WWP2: variants seen among roughly 807,000 people sequenced by gnomAD.
WWP2 encodes NEDD4-like E3 ubiquitin-protein ligase WWP2.
A neutral mutation model predicts 121.0 loss-of-function variants in WWP2; 57 were observed. The observed-to-expected ratio is 0.47, with a 90% CI of 0.38 to 0.59. The LOEUF (loss-of-function observed/expected upper bound fraction) is 0.59. WWP2 is among the 20% of genes least tolerant of loss of function. WWP2 has a pLI of 0.00. For missense variants in WWP2, 962 were observed against 1,158.9 expected (o/e 0.83, Z 2.47); for synonymous variants, 449 against 441.3 (o/e 1.02, Z -0.22).
chr16:69,796,162 G>T (rs375342690), intron 2 of WWP2, among the ~76,000 whole-genome samples: 3 of 152,190 alleles, frequency 2.0e-5, no homozygotes, highest in East Asian at 3.9e-4. Context: ...AAATGTGTTT[G>T]TTGGGAAATA....
chr16:69,824,413 G>C (rs1181565688), intron 4 of WWP2, among the ~76,000 whole-genome samples: 1 of 152,106 alleles, frequency 6.6e-6, no homozygotes, highest in African/African-American at 2.4e-5. Flanking sequence ...GTGGGACTCT[G>C]ACTTCAGTGC....
intron 17 of WWP2, 62 bp downstream of exon 17, chr16:69,934,191 G>A (rs1400681499): frequency 3.1e-6 from 5 of 1,589,700 alleles, no homozygotes; most frequent in African/African-American, 2.7e-5. Flanking sequence ...CCCTCTCCTG[G>A]TGAAGTGTGC....
At chr16:69,802,540 C>T (rs1040838006) in intron 4 of WWP2, among the ~76,000 whole-genome samples, 2 of 151,858 alleles carry the variant, frequency 1.3e-5, no homozygotes, top group South Asian at 2.1e-4. Flanking sequence ...TTATTTCAGT[C>T]AGCATAATGT....
chr16:69,934,325 C>T (rs149032809), intron 17 of WWP2, among the ~76,000 whole-genome samples, 196 bp downstream of exon 17: 6 of 152,256 alleles, frequency 3.9e-5, no homozygotes, highest in African/African-American at 9.6e-5. Flanking sequence ...TGGACTGGCT[C>T]ACCCTCTCGG....
intron 1 of WWP2, among the ~76,000 whole-genome samples, chr16:69,785,181 C>T (rs763750993): frequency 2.0e-5 from 3 of 146,852 alleles, no homozygotes; most frequent in Non-Finnish European, 4.4e-5. Context: ...TGCAGTGAGC[C>T]GAGATTGTGC....
In WWP2 at chr16:69,935,649, G is replaced by A. The variant is rs556410451; in HGVS notation, c.1843-204G>A. On this transcript the variant is annotated intron_variant, in intron 17 of 23. Coordinates refer to ENST00000359154, the MANE Select transcript of WWP2 (RefSeq NM_001270454.2). This position sits in a 1 kb window ranked among gnomAD's most constrained non-coding sequence, Gnocchi z 5.2. ...CCTTGCGGTCTGCAGGGCAGGGTGG[G>A]AGTCCCTCTGTAGGTACAAGTCAGG... Among the ~76,000 whole-genome samples, 164 of 152,336 alleles carry A rather than the reference G, an allele frequency of 1.1e-3. No homozygotes were observed. Among genetic ancestry groups the A allele is most frequent in the Non-Finnish European group, 2.0e-3 (137 of 68,034 alleles).
At chr16:69,906,483 G>A (rs756572926) in intron 8 of WWP2, among the ~76,000 whole-genome samples, 1 of 152,210 alleles carries the variant, frequency 6.6e-6, no homozygotes, top group Non-Finnish European at 1.5e-5. Context: ...ATCTATCAGT[G>A]TAGATACATC....
rs371861695 is a variant in WWP2, at chr16:69,850,030, G to A, written c.575+7910G>A. ...GGAGGAAGGAAGGCAAATCTCTGCC[G>A]TTGAAGGCAATATTCACTTGATATA... On this transcript the variant is annotated intron_variant, in intron 6 of 23. Coordinates refer to ENST00000359154, the MANE Select transcript of WWP2 (RefSeq NM_001270454.2). Among the ~76,000 whole-genome samples the A allele has an allele frequency of 1.6e-4, 25 of 152,278 alleles. 2 individuals carry two copies. Among genetic ancestry groups the A allele is most frequent in the East Asian group, 3.9e-4 (2 of 5,186 alleles).
At chr16:69,934,675 T>C (rs2058768668) in intron 17 of WWP2, among the ~76,000 whole-genome samples, 1 of 150,980 alleles carries the variant, frequency 6.6e-6, no homozygotes, top group Admixed American at 6.6e-5. Context: ...GAATCAACAC[T>C]AGTGTAGAAC....
At chr16:69,939,309 C>A (rs1439615638) in intron 22 of WWP2, 32 bp from the exon 23 acceptor site, 1 of 1,612,960 alleles carries the variant, frequency 6.2e-7, no homozygotes, top group East Asian at 2.2e-5. Context: ...GACGTCTCTG[C>A]TGACGTCGGC....
intron 4 of WWP2, among the ~76,000 whole-genome samples, chr16:69,804,791 T>C (rs2151822114): frequency 6.6e-6 from 1 of 152,164 alleles, no homozygotes; most frequent in East Asian, 1.9e-4. Context: ...GGAATTTTCA[T>C]ACTGAACTCC....
Position 69,925,530 on chromosome 16 carries a change from C to T in WWP2, c.1234+46C>T, listed in dbSNP as rs202205376. 215 of 1,609,342 alleles carry T rather than the reference C, an allele frequency of 1.3e-4. 1 individual carries two copies. The East Asian group carries it at 4.0e-3, about 30-fold the overall frequency. ...CTGGCCCTTGGCCTTCCGTCAGCCA[C>T]GGTGCTCTGTCCTCTCCTCCCGCGT... is the stretch of plus-strand genomic sequence containing the variant. On this transcript the variant is annotated intron_variant, in intron 11 of 23. Transcript: ENST00000359154. This position sits in a 1 kb window ranked among gnomAD's most constrained non-coding sequence, Gnocchi z 4.0.
rs1597137353 is a variant in WWP2 at position 69,904,028 on chromosome 16, A to AG, written c.915-4731dup. ...AGTTCTCAGCTACTTAAATTGCATTAGGAGCAGATGTTATAAAAGAGAGGC... is the reference window on the plus strand; with the variant it reads ...AGTTCTCAGCTACTTAAATTGCATTAGGGAGCAGATGTTATAAAAGAGAGGC... On this transcript the variant is annotated intron_variant, in intron 8 of 23. Transcript: ENST00000359154. Among the ~76,000 whole-genome samples the AG allele has an allele frequency of 3.3e-5, 5 of 152,364 alleles. No individual in the cohort carries two copies. In the East Asian group the frequency reaches 9.6e-4, roughly 29 times the overall value.
intron 6 of WWP2, among the ~76,000 whole-genome samples, chr16:69,846,913 A>T (rs2057091917): frequency 6.6e-6 from 1 of 151,850 alleles, no homozygotes; most frequent in Non-Finnish European, 1.5e-5. Flanking sequence ...CGAAATATAT[A>T]TTTAGAGTCT....
In WWP2 at chr16:69,824,120, G is replaced by A. The variant is rs140454288; in HGVS notation, c.341-16006G>A. On this transcript the variant is annotated intron_variant, in intron 4 of 23. Transcript: ENST00000359154. The stretch of plus-strand genomic sequence containing the variant: ...GGCCTCTGCTCCGCACCAGTCATTC[G>A]GGCGGCTTCCGCCTGACCGTCCATT... 1.9e-3 allele frequency among the ~76,000 whole-genome samples: 282 copies of A among 152,308 alleles called. 2 individuals carry two copies. Among genetic ancestry groups the A allele is most frequent in the African/African-American group, 6.3e-3 (260 of 41,558 alleles).
At chr16:69,776,814 G>C (rs542200949) in intron 1 of WWP2, among the ~76,000 whole-genome samples, 1 of 151,130 alleles carries the variant, frequency 6.6e-6, no homozygotes, top group South Asian at 2.1e-4. Context: ...GGCAACAAGA[G>C]CGAAATTCCA....
At chr16:69,868,788 T>A (rs556737622) in intron 6 of WWP2, among the ~76,000 whole-genome samples, 1 of 152,290 alleles carries the variant, frequency 6.6e-6, no homozygotes, top group East Asian at 1.9e-4. Context: ...TCATTCCACT[T>A]TTGAGGAGGA....
intron 11 of WWP2, 40 bp from the exon 12 acceptor site, chr16:69,929,408 T>G: frequency 6.3e-7 from 1 of 1,587,132 alleles, no homozygotes; most frequent in Non-Finnish European, 8.6e-7. Context: ...CGGCTCTCCG[T>G]GTTTGAATCT....
intron 4 of WWP2, among the ~76,000 whole-genome samples, chr16:69,837,145 G>C (rs1185790759): frequency 1.3e-5 from 2 of 151,934 alleles, no homozygotes; most frequent in Non-Finnish European, 1.5e-5. Context: ...GGCTGGTCTT[G>C]AACTCCTGGA....
Sources: gnomAD v4.1 joint callset for allele counts (sites outside exome capture counted in the v4.1 genomes callset) on GRCh38, gnomAD v4.1.1 for gene constraint, Gnocchi (gnomAD v3.1) non-coding constraint, MANE v1.5 for transcripts, NCBI Gene and HGNC (gene_info 2026-07-23, HGNC 2026-07-21) for gene names.